FAM81A: variants seen among roughly 807,000 people sequenced by gnomAD.
FAM81A encodes family with sequence similarity 81 member A.
FAM81A carries 19 observed loss-of-function variants against 46.7 expected under a neutral mutation model. The ratio of observed to expected loss-of-function variants is 0.41; its 90% CI spans 0.28 to 0.60. The LOEUF (loss-of-function observed/expected upper bound fraction) is 0.60. FAM81A is among the 20% of genes least tolerant of loss of function. The probability of loss-of-function intolerance (pLI) is 0.34; values close to 1 mark genes in which losing one functional copy is unlikely to be tolerated. For synonymous variants in FAM81A, 183 were observed against 152.9 expected, an observed-to-expected ratio of 1.20 and a Z score of -1.45; for missense variants, 377 against 453.5, an observed-to-expected ratio of 0.83 and a Z score of 1.53.
At chr15:59,516,487 T>C (rs565038143) in intron 7 of FAM81A, among the ~76,000 whole-genome samples, 158 bp from the exon 8 acceptor site, 1 of 152,270 alleles carries the variant, frequency 6.6e-6, no homozygotes, top group Non-Finnish European at 1.5e-5. Context: ...CATGGATCTG[T>C]TAAGGAAGAA....
chr15:59,514,873 T>C (rs1596548321), intron 7 of FAM81A, among the ~76,000 whole-genome samples: 1 of 152,140 alleles, frequency 6.6e-6, no homozygotes, highest in African/African-American at 2.4e-5. Flanking sequence ...AATCCACCAT[T>C]TTTTTCCCCA....
chr15:59,503,426 C>T (rs546779697), intron 4 of FAM81A, among the ~76,000 whole-genome samples: 1 of 151,728 alleles, frequency 6.6e-6, no homozygotes, highest in Non-Finnish European at 1.5e-5. Context: ...GTGATTTTAA[C>T]TTTACAAAGT....
intron 3 of FAM81A, among the ~76,000 whole-genome samples, chr15:59,475,536 C>T (rs1309578828): frequency 6.6e-6 from 1 of 152,206 alleles, no homozygotes; most frequent in Non-Finnish European, 1.5e-5. Flanking sequence ...GTCCGAAACA[C>T]ATTTTATGTA....
intron 2 of FAM81A, among the ~76,000 whole-genome samples, chr15:59,429,962 T>C (rs1249094732): frequency 6.6e-6 from 1 of 152,198 alleles, no homozygotes; most frequent in Non-Finnish European, 1.5e-5. Flanking sequence ...GTAGTAGGAC[T>C]AGGGAGGTGT....
chr15:59,511,119 CAAAG>C (rs2082203757), intron 6 of FAM81A, among the ~76,000 whole-genome samples: 1 of 151,872 alleles, frequency 6.6e-6, no homozygotes, highest in Non-Finnish European at 1.5e-5. Context: ...GAAGAAGAAA[CAAAG>C]AAAATAATAC....
chr15:59,423,234 G>A (rs1372605221), intron 2 of FAM81A, among the ~76,000 whole-genome samples: 1 of 152,112 alleles, frequency 6.6e-6, no homozygotes, highest in East Asian at 1.9e-4. Flanking sequence ...AGCAGCTTGG[G>A]ACTACAGGCG....
At chr15:59,449,566 G>T (rs1285027414) in intron 1 of FAM81A, among the ~76,000 whole-genome samples, 2 of 152,236 alleles carry the variant, frequency 1.3e-5, no homozygotes, top group East Asian at 3.9e-4. Flanking sequence ...CGGATCACGA[G>T]GTCAGGAGAT....
chr15:59,454,079 C>G (rs1345459841), intron 1 of FAM81A, among the ~76,000 whole-genome samples: 1 of 152,216 alleles, frequency 6.6e-6, no homozygotes, highest in Admixed American at 6.5e-5. Context: ...AGTTAGAGAA[C>G]AACATCCAGC....
intron 2 of FAM81A, chr15:59,406,885 GT>G (rs35428955): frequency 0.31 from 42,276 of 138,010 alleles, 6,154 homozygotes; most frequent in East Asian, 0.48. Context: ...TGGAGGGAAA[GT>G]TTTTTTTTTT....
chr15:59,502,339 C>CA (rs1197443600), intron 4 of FAM81A, among the ~76,000 whole-genome samples: 12 of 151,552 alleles, frequency 7.9e-5, no homozygotes, highest in African/African-American at 2.7e-4. Context: ...CCGCTCCCCC[C>CA]CCAACAACAG....
chr15:59,428,924 C>G (rs1465879544), intron 2 of FAM81A, among the ~76,000 whole-genome samples: 1 of 152,298 alleles, frequency 6.6e-6, no homozygotes, highest in African/African-American at 2.4e-5. Context: ...AGCCACCACA[C>G]CCTTCCCATC....
At chr15:59,458,454 A>G (rs977086884) in intron 1 of FAM81A, 96 bp from the exon 2 acceptor site, 2 of 741,110 alleles carry the variant, frequency 2.7e-6, no homozygotes, top group East Asian at 2.7e-5. Context: ...GTGTTTCAAC[A>G]TAATTTATGA....
chr15:59,507,157 T>G, intron 4 of FAM81A, 56 bp from the exon 5 acceptor site: 1 of 1,559,598 alleles, frequency 6.4e-7, no homozygotes, highest in South Asian at 1.2e-5. Flanking sequence ...TAAGGAAGCT[T>G]TTGCGCATTG....
intron 4 of FAM81A, among the ~76,000 whole-genome samples, chr15:59,501,411 G>A (rs988357402): frequency 9.9e-5 from 15 of 152,066 alleles, no homozygotes; most frequent in African/African-American, 2.2e-4. Context: ...ATAAATTGTC[G>A]TATAGTCTGA....
At chr15:59,487,905 G>A (rs1687210692) in intron 3 of FAM81A, among the ~76,000 whole-genome samples, 1 of 152,020 alleles carries the variant, frequency 6.6e-6, no homozygotes, top group Non-Finnish European at 1.5e-5. Flanking sequence ...ATTCTATGAG[G>A]CCAGTATTAC....
At chr15:59,417,935 C>T (rs890122033) in intron 2 of FAM81A, among the ~76,000 whole-genome samples, 9 of 152,018 alleles carry the variant, frequency 5.9e-5, no homozygotes, top group African/African-American at 1.9e-4. Flanking sequence ...CCACAACCCA[C>T]GACAGGCCCC....
upstream of FAM81A, among the ~76,000 whole-genome samples, chr15:59,436,263 T>C (rs138952159): frequency 1.1e-4 from 16 of 152,216 alleles, no homozygotes; most frequent in East Asian, 2.7e-3. Context: ...CAAAGTTCAG[T>C]TTTGATGGCC....
At chr15:59,443,278 C>G (rs1469658311) in intron 1 of FAM81A, among the ~76,000 whole-genome samples, 1 of 152,168 alleles carries the variant, frequency 6.6e-6, no homozygotes. Context: ...GACAGTGTTT[C>G]ACCACGTTGG....
chr15:59,508,751 A>G (rs1382159745), intron 5 of FAM81A, 112 bp from the exon 6 acceptor site: 1 of 681,996 alleles, frequency 1.5e-6, no homozygotes, highest in African/African-American at 1.8e-5. Flanking sequence ...TGAATTTATC[A>G]AATTAGATAG....
Sources: allele counts gnomAD v4.1 joint callset (sites outside exome capture counted in the v4.1 genomes callset), GRCh38; gene constraint gnomAD v4.1.1; transcripts MANE v1.5; gene names NCBI Gene and HGNC (gene_info 2026-07-23, HGNC 2026-07-21).